Variants in BCO1 observed in about 807,000 individuals in gnomAD.
BCO1 encodes beta,beta-carotene 15,15'-dioxygenase.
A neutral mutation model predicts 56.3 loss-of-function variants in BCO1; 54 were observed. The ratio of observed to expected loss-of-function variants is 0.96; its 90% CI spans 0.77 to 1.20. The LOEUF is 1.20. Ranked by LOEUF, BCO1 falls within the 50% of genes most tolerant of loss-of-function variation. The probability of loss-of-function intolerance (pLI) is 0.00; values close to 1 mark genes in which losing one functional copy is unlikely to be tolerated. For missense variants in BCO1, 801 were observed against 690.9 expected (o/e 1.16, Z -1.79); for synonymous variants, 318 against 266.1 (o/e 1.20, Z -1.90).
chr16:81,239,268 C>T (rs981735365), intron 1 of BCO1, among the ~76,000 whole-genome samples: 2 of 152,020 alleles, frequency 1.3e-5, no homozygotes, highest in Admixed American at 6.6e-5. Flanking sequence ...CCACCCACCT[C>T]GGCCTCCGAA....
chr16:81,262,631 C>G (rs1906558172), intron 4 of BCO1: 2 of 344,128 alleles, frequency 5.8e-6, no homozygotes, highest in Middle Eastern at 1.0e-3. Flanking sequence ...AGTTTGAGAC[C>G]AGCCTGGCCA....
intron 2 of BCO1, 41 bp from the exon 3 acceptor site, chr16:81,259,632 TGTG>T: frequency 6.2e-7 from 1 of 1,613,932 alleles, no homozygotes; most frequent in Non-Finnish European, 8.5e-7. Flanking sequence ...TTTAAAGCCC[TGTG>T]AAGGCGTCAG....
intron 6 of BCO1, 93 bp downstream of exon 6, chr16:81,268,224 GCATGGAA>G: frequency 1.9e-6 from 2 of 1,064,162 alleles, no homozygotes; most frequent in Non-Finnish European, 2.6e-6. Flanking sequence ...CAAGGAAGTG[GCATGGAA>G]GAGGGAGGAG....
intron 9 of BCO1, 50 bp from the exon 10 acceptor site, chr16:81,287,245 G>A: frequency 1.5e-6 from 2 of 1,308,510 alleles, no homozygotes; most frequent in Non-Finnish European, 2.2e-6. Flanking sequence ...GCAGAGAATA[G>A]TATTCTCTCA....
At chr16:81,270,072 C>T (rs975483091) in intron 6 of BCO1, 87 bp from the exon 7 acceptor site, 61 of 1,529,552 alleles carry the variant, frequency 4.0e-5, no homozygotes, top group Admixed American at 1.2e-4. Context: ...TAGCTCCTGG[C>T]GGGGCTGGGT....
chr16:81,286,481 G>A (rs750636742), intron 9 of BCO1, among the ~76,000 whole-genome samples: 38 of 152,062 alleles, frequency 2.5e-4, no homozygotes, highest in Admixed American at 2.0e-4. Flanking sequence ...GGGTTGTATT[G>A]TACTTTAAAT....
chr16:81,242,684 A>G (rs1251062472), intron 1 of BCO1, among the ~76,000 whole-genome samples: 1 of 151,944 alleles, frequency 6.6e-6, no homozygotes, highest in Non-Finnish European at 1.5e-5. Flanking sequence ...AATCCACACC[A>G]TGGGTGGAGA....
intron 1 of BCO1, among the ~76,000 whole-genome samples, chr16:81,242,179 G>C (rs936049636): frequency 3.4e-5 from 5 of 145,936 alleles, no homozygotes; most frequent in Non-Finnish European, 6.0e-5. Context: ...CCCAAGGCAA[G>C]AGACTTGGCT....
chr16:81,271,314 C>T (rs1021059683), intron 7 of BCO1, among the ~76,000 whole-genome samples: 1 of 151,814 alleles, frequency 6.6e-6, no homozygotes, highest in Non-Finnish European at 1.5e-5. Context: ...GGGGTTTCAC[C>T]ATGTTGCTCA....
chr16:81,283,442 CAA>C (rs928952166), intron 8 of BCO1, among the ~76,000 whole-genome samples: 2 of 151,722 alleles, frequency 1.3e-5, no homozygotes, highest in African/African-American at 2.4e-5. Context: ...AAAAAAAATA[CAA>C]AAATTAGCCG....
rs756003443 is a variant in BCO1, at chr16:81,238,942, C to T, written c.34C>T (p.Gln12Ter). Residue 12 changes from glutamine (Q) to a stop codon, truncating the protein, a stop_gained, in exon 1 of 11, where the codon CAG (glutamine) becomes TAG (stop). Transcript: ENST00000258168. LOFTEE classifies it high-confidence loss of function. ...DIIFGRNRKE[Q>*]LEPVRAKVTG... is the part of the protein sequence containing the mutation. ...AATATTTGGCAGGAATAGGAAAGAA[C>T]AGCTGGAGCCTGTGAGGGCCAAAGT... 6.2e-7 allele frequency: 1 copy of T among 1,614,076 alleles called. No individual in the cohort carries two copies. The highest frequency in any genetic ancestry group is 8.5e-7 in the Non-Finnish European group (1 of 1,180,006).
At chr16:81,271,996 C>G (rs58192194) in intron 7 of BCO1, among the ~76,000 whole-genome samples, 17,918 of 152,130 alleles carry the variant, frequency 0.12, 1,952 homozygotes, top group East Asian at 0.56. Flanking sequence ...ATCTGCCCCC[C>G]TACGTCTCCC....
At chr16:81,272,502 C>G (rs1907297226) in intron 7 of BCO1, among the ~76,000 whole-genome samples, 1 of 152,156 alleles carries the variant, frequency 6.6e-6, no homozygotes, top group Non-Finnish European at 1.5e-5. Flanking sequence ...AAACATTTGC[C>G]TAATCGTTCA....
chr16:81,256,319 G>A (rs1906134560), intron 2 of BCO1, among the ~76,000 whole-genome samples: 1 of 152,042 alleles, frequency 6.6e-6, no homozygotes, highest in Non-Finnish European at 1.5e-5. Context: ...TTGGAAACAT[G>A]TTTTCTCCTC....
At chr16:81,258,927 C>G (rs533896436) in intron 2 of BCO1, among the ~76,000 whole-genome samples, 44 of 152,134 alleles carry the variant, frequency 2.9e-4, no homozygotes, top group African/African-American at 1.0e-3. Context: ...GCAGGCATGT[C>G]ACATGGTGAA....
intron 8 of BCO1, among the ~76,000 whole-genome samples, chr16:81,282,817 T>C (rs965171451): frequency 6.6e-6 from 1 of 152,140 alleles, no homozygotes; most frequent in Non-Finnish European, 1.5e-5. Flanking sequence ...CCATCATGCA[T>C]GGATTGTGTG....
rs920276056 is a variant in BCO1, at chr16:81,262,136, A to G, written c.324A>G (p.Lys108=). The change falls in exon 4 of 11, where the codon AAA becomes AAG. Residue 108 remains lysine, a splice_region_variant and synonymous_variant. Coordinates refer to ENST00000258168, the MANE Select transcript of BCO1 (RefSeq NM_017429.3). ...TCTGTTGATTTGCTTTTCTCCCCAGAGCTTTCTCCTACTTGTCTCACACCA... is the reference window on the plus strand; with the variant it reads ...TCTGTTGATTTGCTTTTCTCCCCAGGGCTTTCTCCTACTTGTCTCACACCA... ...YPDPCKNIFS[K]AFSYLSHTIP... is the part of the protein sequence containing the mutation. The G allele has an allele frequency of 1.9e-6, 3 of 1,613,658 alleles. No homozygotes were observed. Among genetic ancestry groups the G allele is most frequent in the African/African-American group, 2.7e-5 (2 of 74,916 alleles).
Position 81,259,758 on chromosome 16 carries a change from G to A in BCO1, c.276G>A (p.Glu92=). 6.2e-6 allele frequency: 10 copies of A among 1,614,240 alleles called. No individual in the cohort carries two copies. Among genetic ancestry groups the A allele is most frequent in the Non-Finnish European group, 7.6e-6 (9 of 1,180,046 alleles). ...NIEANRIVVS[E]FGTMAYPDPC... Reference sequence around the variant, plus strand: ...AGGCAAACAGGATTGTGGTGTCTGAGTTTGGAACAATGGCCTATCCGGACC... The same window carrying A: ...AGGCAAACAGGATTGTGGTGTCTGAATTTGGAACAATGGCCTATCCGGACC... Residue 92 remains glutamate, a synonymous_variant, in exon 3 of 11, where the codon GAG becomes GAA. Transcript: ENST00000258168.
intron 3 of BCO1, 122 bp downstream of exon 3, chr16:81,259,927 C>T (rs1010866042): frequency 1.3e-5 from 16 of 1,228,606 alleles, no homozygotes; most frequent in South Asian, 3.7e-5. Flanking sequence ...CACATGACTG[C>T]CCTTTAACCA....
Sources: gnomAD v4.1 joint callset for allele counts (sites outside exome capture counted in the v4.1 genomes callset) on GRCh38, gnomAD v4.1.1 for gene constraint, MANE v1.5 for transcripts, NCBI Gene and HGNC (gene_info 2026-07-23, HGNC 2026-07-21) for gene names.